Variants in FOXN3 observed in about 807,000 individuals in gnomAD.
The protein encoded by FOXN3 is forkhead box protein N3.
Under a neutral mutation model 38.4 loss-of-function variants are expected in FOXN3, and 7 were observed. The observed-to-expected ratio is 0.18, with a 90% CI of 0.10 to 0.34. The LOEUF (loss-of-function observed/expected upper bound fraction) is 0.34. FOXN3 is among the 10% of genes least tolerant of loss of function. FOXN3 has a pLI of 1.00. For synonymous variants in FOXN3, 230 were observed against 242.2 expected, an observed-to-expected ratio of 0.95 and a Z score of 0.47; for missense variants, 456 against 613.4, an observed-to-expected ratio of 0.74 and a Z score of 2.71.
At chr14:89,419,294 G>A (rs1414223162), upstream of FOXN3, 1 of 444,320 alleles carries the variant, frequency 2.3e-6, no homozygotes, top group Non-Finnish European at 4.5e-6. Context: ...GAAAGCCAAA[G>A]GAGGGCTTAA....
At chr14:89,574,484 G>A (rs1260481287) in intron 1 of FOXN3, among the ~76,000 whole-genome samples, 8 of 152,094 alleles carry the variant, frequency 5.3e-5, no homozygotes, top group Non-Finnish European at 7.4e-5. Flanking sequence ...GCCTGCAATC[G>A]CCTTCTACCC....
At chr14:89,437,716 GCAACCA>G (rs1892300567) in intron 1 of FOXN3, among the ~76,000 whole-genome samples, 1 of 152,126 alleles carries the variant, frequency 6.6e-6, no homozygotes, top group Non-Finnish European at 1.5e-5. Context: ...ATAAAAATAG[GCAACCA>G]GCAGCCATCA....
chr14:89,600,581 C>T (rs1896135982), intron 1 of FOXN3, among the ~76,000 whole-genome samples: 1 of 151,960 alleles, frequency 6.6e-6, no homozygotes, highest in Non-Finnish European at 1.5e-5. Flanking sequence ...TCACATTGGC[C>T]ACGTCGAAGA....
chr14:89,298,326 G>T (rs770549105), intron 3 of FOXN3, among the ~76,000 whole-genome samples: 3 of 152,086 alleles, frequency 2.0e-5, no homozygotes, highest in Non-Finnish European at 4.4e-5. Context: ...CAGGGTTTCA[G>T]TCTTGGAAGA....
intron 3 of FOXN3, among the ~76,000 whole-genome samples, chr14:89,321,005 T>G (rs1365286124): frequency 1.3e-5 from 2 of 151,994 alleles, no homozygotes; most frequent in Non-Finnish European, 2.9e-5. Flanking sequence ...TTTAAAAAAT[T>G]GGCCAGGCAT....
chr14:89,590,217 GATT>G (rs1895922102), intron 1 of FOXN3, among the ~76,000 whole-genome samples: 1 of 152,160 alleles, frequency 6.6e-6, no homozygotes. Flanking sequence ...ATCAATGAAT[GATT>G]CTTAAGCCTT....
chr14:89,230,504 C>G (rs949188690), intron 4 of FOXN3, among the ~76,000 whole-genome samples: 1 of 152,210 alleles, frequency 6.6e-6, no homozygotes, highest in African/African-American at 2.4e-5. Context: ...TATCTCCCTG[C>G]TAGGGTGTAT....
chr14:89,286,302 A>C (rs867086046), intron 3 of FOXN3, among the ~76,000 whole-genome samples: 39 of 152,222 alleles, frequency 2.6e-4, no homozygotes, highest in African/African-American at 8.9e-4. Flanking sequence ...GAAGAAAGGA[A>C]GAATATCTGA....
At chr14:89,295,319 C>G (rs1210087345) in intron 3 of FOXN3, among the ~76,000 whole-genome samples, 5 of 152,252 alleles carry the variant, frequency 3.3e-5, no homozygotes, top group Admixed American at 2.6e-4. Flanking sequence ...CAAATACCTT[C>G]TGTGCAGCTC....
At chr14:89,257,595 T>C (rs115279374) in intron 4 of FOXN3, among the ~76,000 whole-genome samples, 1,849 of 152,186 alleles carry the variant, frequency 0.012, 32 homozygotes, top group African/African-American at 0.042. Flanking sequence ...AGAGTCTGGA[T>C]TATGTTTAGT....
intron 4 of FOXN3, among the ~76,000 whole-genome samples, chr14:89,212,852 G>A (rs1884141868): frequency 6.6e-6 from 1 of 152,138 alleles, no homozygotes. Context: ...GGTTTAATGA[G>A]GATCAGGTTT....
rs1892956651 is a variant in FOXN3 at position 89,465,322 on chromosome 14, C to T, written c.-14-52832G>A. ...TTGGCTCACTGCAACCTCCGCCTCC[C>T]AGGTTCAAGCGATTCTCCTGCCTCA... On this transcript the variant is annotated intron_variant, in intron 1 of 6. Coordinates refer to the FOXN3 transcript ENST00000345097. 1.3e-5 allele frequency among the ~76,000 whole-genome samples: 2 copies of T among 152,142 alleles called. 1 individual carries two copies. Among genetic ancestry groups the T allele is most frequent in the East Asian group, 3.9e-4 (2 of 5,140 alleles).
intron 4 of FOXN3, among the ~76,000 whole-genome samples, chr14:89,202,874 G>T (rs376736140): frequency 2.0e-5 from 3 of 152,030 alleles, no homozygotes; most frequent in Non-Finnish European, 4.4e-5. Context: ...AAATTACGCA[G>T]GCTCAGGTAT....
At chr14:89,563,291 T>A (rs1240980779) in intron 1 of FOXN3, among the ~76,000 whole-genome samples, 2 of 152,338 alleles carry the variant, frequency 1.3e-5, no homozygotes, top group East Asian at 3.9e-4. Flanking sequence ...AACAAATATT[T>A]GAATAGTACT....
intron 1 of FOXN3, among the ~76,000 whole-genome samples, chr14:89,497,800 T>G (rs951451776): frequency 3.3e-5 from 5 of 152,188 alleles, no homozygotes; most frequent in Middle Eastern, 3.2e-3. Flanking sequence ...TATTAATTTT[T>G]GGGGGGAACT....
At chr14:89,266,934 C>T (rs532118437) in intron 4 of FOXN3, among the ~76,000 whole-genome samples, 6 of 152,226 alleles carry the variant, frequency 3.9e-5, no homozygotes, top group Admixed American at 3.3e-4. Flanking sequence ...GAGGCTCATA[C>T]CAAAGGCACG....
At chr14:89,551,604 C>G (rs1047034734) in intron 1 of FOXN3, among the ~76,000 whole-genome samples, 5 of 152,280 alleles carry the variant, frequency 3.3e-5, no homozygotes, top group Non-Finnish European at 5.9e-5. Flanking sequence ...TGCTGCCCCA[C>G]ACAGTCCTCT....
chr14:89,242,431 C>G (rs77065071), intron 4 of FOXN3, among the ~76,000 whole-genome samples: 5,709 of 152,018 alleles, frequency 0.038, 327 homozygotes, highest in African/African-American at 0.13. Context: ...TTGAGAATGG[C>G]CTGAAGGTGG....
At chr14:89,449,362 A>G (rs755845082) in intron 1 of FOXN3, among the ~76,000 whole-genome samples, 3 of 152,190 alleles carry the variant, frequency 2.0e-5, no homozygotes, top group Non-Finnish European at 2.9e-5. Flanking sequence ...TCCTCTTCTT[A>G]TATTTACATA....
Sources: gnomAD v4.1 joint callset for allele counts (sites outside exome capture counted in the v4.1 genomes callset) on GRCh38, gnomAD v4.1.1 for gene constraint, MANE v1.5 for transcripts, NCBI Gene and HGNC (gene_info 2026-07-23, HGNC 2026-07-21) for gene names.